KIF1B: variants seen among roughly 807,000 people sequenced by gnomAD.
The protein encoded by KIF1B is kinesin family member 1B.
A neutral mutation model predicts 241.9 loss-of-function variants in KIF1B; 76 were observed. That is an observed-to-expected ratio of 0.31 (90% confidence interval 0.26 to 0.38). The LOEUF (loss-of-function observed/expected upper bound fraction) is 0.38. KIF1B is among the 10% of genes least tolerant of loss of function. The pLI, the probability that KIF1B is intolerant of heterozygous loss-of-function variation, is 1.00. For synonymous variants in KIF1B, 750 were observed against 796.7 expected (o/e 0.94, Z 0.99); for missense variants, 1,622 against 2,271.4 (o/e 0.71, Z 5.81).
At chr1:10,221,834 T>C (rs559213926) in intron 1 of KIF1B, among the ~76,000 whole-genome samples, 2 of 152,276 alleles carry the variant, frequency 1.3e-5, no homozygotes, top group South Asian at 4.1e-4. Context: ...TTAATTAATT[T>C]AGACAGTGTC....
chr1:10,370,994 TA>T, intron 44 of KIF1B, 146 bp from the exon 45 acceptor site: 1 of 913,610 alleles, frequency 1.1e-6, no homozygotes, highest in Non-Finnish European at 1.7e-6. Context: ...TATTTATTGA[TA>T]AATTATGTAT....
chr1:10,258,537 C>T lies in KIF1B; in HGVS notation c.228C>T (p.Asp76=). Residue 76 remains aspartate, a synonymous_variant, in exon 4 of 49, where the codon GAC becomes GAT. Coordinates refer to ENST00000676179, the MANE Select transcript of KIF1B (RefSeq NM_001365951.3). The stretch of plus-strand genomic sequence containing the variant: ...CATCTCAAAACCGTGTGTACAATGA[C>T]ATTGGCAAGGAAATGCTCTTACACG... The part of the protein sequence containing the change: ...CFASQNRVYN[D]IGKEMLLHAF... 1 of 1,614,138 alleles carries T rather than the reference C, an allele frequency of 6.2e-7. No individual in the cohort carries two copies. Among genetic ancestry groups the T allele is most frequent in the Non-Finnish European group, 8.5e-7 (1 of 1,180,008 alleles).
At chr1:10,321,266 G>C (rs1278341395) in intron 23 of KIF1B, among the ~76,000 whole-genome samples, 2 of 151,704 alleles carry the variant, frequency 1.3e-5, no homozygotes, top group Non-Finnish European at 2.9e-5. Flanking sequence ...ACCACGCCTG[G>C]CTAATTTTTG....
At chr1:10,287,642 G>T (rs2102241479) in intron 15 of KIF1B, among the ~76,000 whole-genome samples, 1 of 152,230 alleles carries the variant, frequency 6.6e-6, no homozygotes, top group African/African-American at 2.4e-5. Flanking sequence ...TCTCTTTTCT[G>T]CAAAGAGATC....
chr1:10,300,111 C>T lies in KIF1B; in HGVS notation c.2115+2865C>T, dbSNP rs1465667728. On this transcript the variant is annotated intron_variant, in intron 22 of 48. Transcript: ENST00000676179. ...AATTAGCAGGACGTCTTGGTGGGCA[C>T]CTGTAATCCCAGCTGCTTGGGAGGC... Among the ~76,000 whole-genome samples the T allele has an allele frequency of 2.0e-5, 3 of 151,670 alleles. No homozygotes were observed. The East Asian group carries it at 5.8e-4, about 29-fold the overall frequency.
rs34983973 is a variant in KIF1B, at chr1:10,279,689, CTTTTTT to C, written c.1222+573_1222+578del. Among the ~76,000 whole-genome samples the C allele has an allele frequency of 1.3e-4, 9 of 67,658 alleles. 1 individual carries two copies. The highest frequency in any genetic ancestry group is 1.8e-4 in the Non-Finnish European group (7 of 37,952). The allele number at this position is 67,658 out of a possible 152,430, so 44.4% of individuals were successfully genotyped here. On this transcript the variant is annotated intron_variant, in intron 14 of 48. Coordinates refer to ENST00000676179, the MANE Select transcript of KIF1B (RefSeq NM_001365951.3). ...GGAATGATTAGATAAACGTTTTTTCCTTTTTTTTTTTTTTTTTTTTTTTTTTTAGAC... is the reference window on the plus strand; with the variant it reads ...GGAATGATTAGATAAACGTTTTTTCCTTTTTTTTTTTTTTTTTTTTTAGAC...
Position 10,290,637 on chromosome 1 carries a change from A to G in KIF1B, c.1435-445A>G, listed in dbSNP as rs969309532. On this transcript the variant is annotated intron_variant, in intron 15 of 48. Coordinates refer to ENST00000676179, the MANE Select transcript of KIF1B (RefSeq NM_001365951.3). ...GCTGGGATTACAGGCGCCTGCCACC[A>G]TGCCCACGTGGATCACGAGGTCAAG... Among the ~76,000 whole-genome samples, 5 of 151,702 alleles carry G rather than the reference A, an allele frequency of 3.3e-5. No homozygotes were observed. The East Asian group carries it at 7.9e-4, about 24-fold the overall frequency.
At chr1:10,276,442 A>T in intron 12 of KIF1B, 43 bp downstream of exon 12, 1 of 1,370,446 alleles carries the variant, frequency 7.3e-7, no homozygotes, top group African/African-American at 1.4e-5. Flanking sequence ...CCACATTGCC[A>T]TCAGAAGCCA....
intron 36 of KIF1B, 40 bp downstream of exon 36, chr1:10,347,867 T>C: frequency 1.4e-6 from 2 of 1,472,596 alleles, no homozygotes; most frequent in East Asian, 2.3e-5. Context: ...GAGGGAACAC[T>C]GAAAAGAATT....
intron 5 of KIF1B, among the ~76,000 whole-genome samples, chr1:10,264,353 G>A (rs1648325291): frequency 6.6e-6 from 1 of 152,236 alleles, no homozygotes; most frequent in Non-Finnish European, 1.5e-5. Context: ...GTGGCATCTG[G>A]AGTGGTTGGT....
intron 26 of KIF1B, 104 bp downstream of exon 26, chr1:10,324,999 G>A (rs1203946168): frequency 8.4e-6 from 11 of 1,310,464 alleles, no homozygotes; most frequent in South Asian, 4.8e-5. Flanking sequence ...AAAAAAAGGT[G>A]TAAAAAGGCC....
chr1:10,215,164 ATATATATATTTTTTTTTT>A (rs1343446855), intron 1 of KIF1B, among the ~76,000 whole-genome samples: 133 of 70,924 alleles, frequency 1.9e-3, no homozygotes, highest in Non-Finnish European at 2.4e-3. Flanking sequence ...ATATATATAT[ATATATATATTTTTTTTTT>A]TTTTTTTTTT....
chr1:10,274,313 G>A (rs1648987824), intron 10 of KIF1B, among the ~76,000 whole-genome samples: 1 of 152,088 alleles, frequency 6.6e-6, no homozygotes, highest in African/African-American at 2.4e-5. Flanking sequence ...TACCTGTAAA[G>A]CATTTGCATT....
chr1:10,355,799 C>T (rs1638225855), intron 38 of KIF1B, among the ~76,000 whole-genome samples: 1 of 152,178 alleles, frequency 6.6e-6, no homozygotes, highest in Admixed American at 6.5e-5. Context: ...TCTTGCAAAA[C>T]TGTTCACTTT....
chr1:10,378,573 C>G lies in KIF1B; in HGVS notation c.*1986C>G, dbSNP rs557129908. The G allele has an allele frequency of 1.3e-3, 801 of 631,924 alleles. 10 individuals carry two copies. The highest frequency in any genetic ancestry group is 9.9e-3 in the South Asian group (538 of 54,546). The allele number at this position is 631,924 out of a possible 1,614,324, so 39.1% of individuals were successfully genotyped here. A position where few individuals can be genotyped will look rare whatever the true frequency, so the allele number is the denominator to read the frequency against. On this transcript the variant is annotated 3_prime_UTR_variant, in exon 49 of 49. Transcript: ENST00000676179. ...TGCTCACTCCCACTTGGTGAGTCCT[C>G]GGCCTTGAGGTTGCTGACTCTCAGG...
rs768700206 is a variant in KIF1B, at chr1:10,245,547, AG to A, written c.107-10699del. ...GAAGACAAAAGGGAAAAGATACAAA[AG>A]TTGTATGGAGAGGATAAAGGAAGGA... On this transcript the variant is annotated intron_variant, in intron 2 of 48. Transcript: ENST00000676179. Among the ~76,000 whole-genome samples, 29 of 152,358 alleles carry A rather than the reference AG, an allele frequency of 1.9e-4. No individual in the cohort carries two copies. The South Asian group carries it at 2.9e-3, about 15-fold the overall frequency.
Position 10,361,711 on chromosome 1 carries a change from C to T in KIF1B, c.4190C>T (p.Pro1397Leu), listed in dbSNP as rs1161161480. ...TTTCAGCTGGATCATTGCATCCAGC[C>T]GGCTGTCATCACCAAGGATGTGTGC... is the stretch of plus-strand genomic sequence containing the variant. ...AYLELDHCIQPAVITKDVCMV... is the reference protein window; with the variant it reads ...AYLELDHCIQLAVITKDVCMV... The change falls in exon 40 of 49, where the codon CCG (proline) becomes CTG (leucine). Residue 1397 changes from proline to leucine, a missense_variant. Physicochemically the swap from Pro to Leu is moderately conservative, Grantham distance 98. This residue lies in a region of KIF1B where 803 missense variants were observed against 1,112.0 expected (regional missense o/e 0.72). Transcript: ENST00000676179. 5.0e-6 allele frequency: 8 copies of T among 1,614,008 alleles called. No homozygotes were observed. Among genetic ancestry groups the T allele is most frequent in the East Asian group, 2.2e-5 (1 of 44,888 alleles).
chr1:10,312,191 T>C (rs1447043518), intron 22 of KIF1B, among the ~76,000 whole-genome samples: 1 of 151,552 alleles, frequency 6.6e-6, no homozygotes, highest in Non-Finnish European at 1.5e-5. Flanking sequence ...TCATTTGAAC[T>C]GGAGCAGCTA....
At chr1:10,350,375 C>T (rs746867019) in intron 37 of KIF1B, among the ~76,000 whole-genome samples, 5 of 150,162 alleles carry the variant, frequency 3.3e-5, no homozygotes, top group Non-Finnish European at 4.4e-5. Flanking sequence ...CTGGCTAACA[C>T]GGTGAAACCC....
Sources: allele counts gnomAD v4.1 joint callset (sites outside exome capture counted in the v4.1 genomes callset), GRCh38; gene constraint gnomAD v4.1.1; regional missense constraint gnomAD v4.1.1; transcripts MANE v1.5; gene names NCBI Gene and HGNC (gene_info 2026-07-23, HGNC 2026-07-21).